The following PKHD1 variants were observed in gnomAD, a reference collection of about 807,000 sequenced individuals.
PKHD1 encodes PKHD1 ciliary IPT domain containing fibrocystin/polyductin.
In PKHD1, 291 loss-of-function variants were observed where a neutral mutation model predicts 412.0. That is an observed-to-expected ratio of 0.71 (90% confidence interval 0.64 to 0.78). The LOEUF (loss-of-function observed/expected upper bound fraction) is 0.78, where lower values mean the gene tolerates loss of function less well. Ranked by LOEUF, PKHD1 falls within the 30% of genes least tolerant of loss-of-function variation. The pLI is 0.00. For missense variants in PKHD1, 4,825 were observed against 4,950.7 expected (o/e 0.97, Z 0.76); for synonymous variants, 1,777 against 1,821.5 (o/e 0.98, Z 0.62).
intron 52 of PKHD1, among the ~76,000 whole-genome samples, chr6:51,798,326 C>T (rs574814948): frequency 3.3e-5 from 5 of 151,774 alleles, no homozygotes; most frequent in Admixed American, 6.6e-5. Flanking sequence ...TGCAGTGAAC[C>T]GAGATCACAC....
At chr6:51,758,873 T>C (rs1471132169) in intron 55 of PKHD1, among the ~76,000 whole-genome samples, 1 of 152,222 alleles carries the variant, frequency 6.6e-6, no homozygotes, top group Non-Finnish European at 1.5e-5. Context: ...TTAAAAGTTT[T>C]TACAAAAATG....
chr6:51,898,312 A>G (rs1194629382), intron 43 of PKHD1, among the ~76,000 whole-genome samples: 6 of 145,188 alleles, frequency 4.1e-5, no homozygotes, highest in African/African-American at 1.3e-4. Flanking sequence ...ATAACAAACT[A>G]TCTCTCAGAC....
intron 60 of PKHD1, among the ~76,000 whole-genome samples, chr6:51,704,560 A>G (rs923517010): frequency 6.6e-6 from 1 of 152,086 alleles, no homozygotes; most frequent in African/African-American, 2.4e-5. Context: ...CAAGAAAATT[A>G]AGAAGAAAGG....
At chr6:51,995,907 C>A (rs911032135) in intron 35 of PKHD1, among the ~76,000 whole-genome samples, 1 of 152,106 alleles carries the variant, frequency 6.6e-6, no homozygotes, top group Non-Finnish European at 1.5e-5. Context: ...TTGGTTGTCT[C>A]TCAAAACAAT....
chr6:52,045,000 C>T lies in PKHD1; in HGVS notation c.2681G>A (p.Gly894Glu). 6.8e-6 allele frequency: 11 copies of T among 1,613,698 alleles called. No homozygotes were observed. Among genetic ancestry groups the T allele is most frequent in the Non-Finnish European group, 9.3e-6 (11 of 1,179,646 alleles). ...CTGGTTGGCAGTAGCCAACATGTCTCCAAATATGGGTCCAAGAAAAACTCC... is the reference window on the plus strand; with the variant it reads ...CTGGTTGGCAGTAGCCAACATGTCTTCAAATATGGGTCCAAGAAAAACTCC... The part of the protein sequence containing the change: ...DGGVFLGPIF[G>E]DMLATANQHT... The change falls in exon 25 of 67, where the codon GGA becomes GAA. Residue 894 changes from glycine (G) to glutamate (E), a missense_variant. Transcript: ENST00000371117.
At chr6:51,819,755 CATT>C (rs1233139188) in intron 52 of PKHD1, among the ~76,000 whole-genome samples, 2 of 152,296 alleles carry the variant, frequency 1.3e-5, no homozygotes, top group East Asian at 3.9e-4. Context: ...TCATATCACA[CATT>C]ATGCAAACAG....
intron 55 of PKHD1, among the ~76,000 whole-genome samples, chr6:51,759,296 C>T (rs1181580694): frequency 6.6e-6 from 1 of 152,152 alleles, no homozygotes; most frequent in East Asian, 1.9e-4. Context: ...CCTCACACCT[C>T]ATCTGAGAAC....
intron 39 of PKHD1, 81 bp downstream of exon 39, chr6:51,911,718 A>G (rs1782963202): frequency 8.0e-7 from 1 of 1,245,818 alleles, no homozygotes; most frequent in Non-Finnish European, 1.2e-6. Context: ...AAAGAGGTCA[A>G]CCACAGCAAT....
At chr6:51,940,972 C>T (rs1788410337) in intron 36 of PKHD1, among the ~76,000 whole-genome samples, 1 of 151,396 alleles carries the variant, frequency 6.6e-6, no homozygotes, top group Non-Finnish European at 1.5e-5. Flanking sequence ...TATCTGCTTC[C>T]CTCACTGTTC....
At chr6:51,722,797 T>A (rs1782089758) in intron 60 of PKHD1, among the ~76,000 whole-genome samples, 2 of 152,172 alleles carry the variant, frequency 1.3e-5, no homozygotes, top group South Asian at 4.1e-4. Flanking sequence ...ATGAATGGAA[T>A]CAGCTGTAAG....
chr6:51,703,327 T>C (rs1417984743), intron 60 of PKHD1, among the ~76,000 whole-genome samples: 2 of 152,038 alleles, frequency 1.3e-5, no homozygotes, highest in Non-Finnish European at 2.9e-5. Context: ...AGTAATTTGC[T>C]TGAATCAGAA....
intron 60 of PKHD1, among the ~76,000 whole-genome samples, chr6:51,711,458 A>G (rs907252610): frequency 2.0e-5 from 3 of 152,210 alleles, no homozygotes; most frequent in African/African-American, 4.8e-5. Context: ...TGGAACTAAT[A>G]TGCAGCAGCT....
rs560035431 is a variant in PKHD1, at chr6:52,025,814, C to T, written c.3996G>A (p.Gly1332=). ...SNLSNSVILL[G]NLNCDVETQS... ...GTGTCTCAACATCACAGTTCAGGTT[C>T]CCCAGAAGGATGACTGAGTTGGAGA... The change falls in exon 32 of 67, where the codon GGG becomes GGA. Residue 1332 remains glycine, a synonymous_variant. Coordinates refer to ENST00000371117, the MANE Select transcript of PKHD1 (RefSeq NM_138694.4). 1.2e-6 allele frequency: 2 copies of T among 1,614,164 alleles called. No individual in the cohort carries two copies. The highest frequency in any genetic ancestry group is 2.7e-5 in the African/African-American group (2 of 75,044).
intron 27 of PKHD1, among the ~76,000 whole-genome samples, chr6:52,038,295 A>C (rs545845238): frequency 1.3e-5 from 2 of 152,012 alleles, no homozygotes; most frequent in East Asian, 3.9e-4. Context: ...GAATTGCTTG[A>C]ATCTGGCAGG....
chr6:51,641,477 C>T (rs1021654825), intron 63 of PKHD1, among the ~76,000 whole-genome samples: 3 of 152,204 alleles, frequency 2.0e-5, no homozygotes, highest in Non-Finnish European at 4.4e-5. Flanking sequence ...TTGTGGAAGA[C>T]AGTGTGGTGA....
intron 38 of PKHD1, 99 bp from the exon 39 acceptor site, chr6:51,912,055 T>A: frequency 1.0e-6 from 1 of 974,130 alleles, no homozygotes. Context: ...TTTGGGGATC[T>A]ATTCATGTTT....
intron 34 of PKHD1, among the ~76,000 whole-genome samples, chr6:52,015,157 C>A (rs537523624): frequency 1.5e-3 from 229 of 152,192 alleles, no homozygotes; most frequent in Admixed American, 3.8e-3. Flanking sequence ...ATAAATATTT[C>A]CCTGTCTGGT....
intron 35 of PKHD1, among the ~76,000 whole-genome samples, chr6:51,983,131 T>A (rs1178541304): frequency 6.6e-6 from 1 of 152,198 alleles, no homozygotes; most frequent in Non-Finnish European, 1.5e-5. Context: ...TTAATTAATT[T>A]GTCAGAGAAT....
intron 52 of PKHD1, among the ~76,000 whole-genome samples, chr6:51,807,169 T>C (rs896618024): frequency 2.7e-5 from 4 of 148,710 alleles, no homozygotes; most frequent in African/African-American, 9.9e-5. Flanking sequence ...GACTCATGCC[T>C]GTAATCGAAG....
Sources: allele counts gnomAD v4.1 joint callset (sites outside exome capture counted in the v4.1 genomes callset), GRCh38; gene constraint gnomAD v4.1.1; transcripts MANE v1.5; gene names NCBI Gene and HGNC (gene_info 2026-07-23, HGNC 2026-07-21).